The following NKPD1 variants were observed in gnomAD, a reference collection of about 807,000 sequenced individuals.
NKPD1 encodes NTPase KAP family P-loop domain-containing protein 1.
In NKPD1, 37 loss-of-function variants were observed where a neutral mutation model predicts 42.2. The observed-to-expected ratio is 0.88, with a 90% CI of 0.67 to 1.15. The LOEUF (loss-of-function observed/expected upper bound fraction) is 1.15. Ranked by LOEUF, NKPD1 falls within the 50% of genes most tolerant of loss-of-function variation. The pLI, the probability that NKPD1 is intolerant of heterozygous loss-of-function variation, is 0.00. For synonymous variants in NKPD1, 552 were observed against 536.5 expected (o/e 1.03, Z -0.40); for missense variants, 1,113 against 1,174.6 (o/e 0.95, Z 0.77).
chr19:45,158,562 A>G lies in NKPD1; in HGVS notation c.529+101T>C. The stretch of plus-strand genomic sequence containing the variant: ...TAGATAGGGAACAGGGTGTGGATGA[A>G]GAGGGCAGGTGCAAGATGCTAGGCA... On this transcript the variant is annotated intron_variant, in intron 3 of 4. Transcript: ENST00000686631. The surrounding 1 kb of genome is among the most constrained non-coding windows in gnomAD (Gnocchi z 4.6). The G allele has an allele frequency of 9.0e-7, 1 of 1,106,902 alleles. No individual in the cohort carries two copies. Among genetic ancestry groups the G allele is most frequent in the Non-Finnish European group, 1.1e-6 (1 of 900,738 alleles). 68.6% of individuals were successfully genotyped at this position (1,106,902 alleles called of 1,614,324 possible).
rs773789868 is a variant in NKPD1, at chr19:45,158,645, G to A, written c.529+18C>T. On this transcript the variant is annotated intron_variant, in intron 3 of 4. Transcript: ENST00000686631. This position sits in a 1 kb window ranked among gnomAD's most constrained non-coding sequence, Gnocchi z 4.6. ...GCAGGAGTGGGGACAGGGCCCCCAAGAAGGCCAGGGTGAGCACCGGAGCTG... is the reference window on the plus strand; with the variant it reads ...GCAGGAGTGGGGACAGGGCCCCCAAAAAGGCCAGGGTGAGCACCGGAGCTG... 12 of 1,157,662 alleles carry A rather than the reference G, an allele frequency of 1.0e-5. No homozygotes were observed. In the South Asian group the frequency reaches 1.8e-4, roughly 18 times the overall value. The allele number at this position is 1,157,662 out of a possible 1,614,324, so 71.7% of individuals were successfully genotyped here. A position where few individuals can be genotyped will look rare whatever the true frequency, so the allele number is the denominator to read the frequency against.
intron 3 of NKPD1, among the ~76,000 whole-genome samples, chr19:45,156,389 C>T (rs944933950): frequency 6.6e-6 from 1 of 152,210 alleles, no homozygotes; most frequent in Non-Finnish European, 1.5e-5. Flanking sequence ...GCTCCTCCCA[C>T]CGTCCTGTCC....
chr19:45,160,002 C>A, intron 2 of NKPD1, 58 bp downstream of exon 2: 1 of 1,014,124 alleles, frequency 9.9e-7, no homozygotes. Context: ...CCTCCATTCA[C>A]TCTGGCTTCC....
Position 45,155,783 on chromosome 19 carries a change from A to C in NKPD1, c.661+2T>G. On this transcript the variant is annotated splice_donor_variant, in intron 4 of 4. Coordinates refer to ENST00000686631, the MANE Select transcript of NKPD1 (RefSeq NM_198478.4). LOFTEE classifies it high-confidence loss of function. ...CCCCAACAAACACACACAGCTCCTC[A>C]CCCGTGATCTTGTCCAGCATCATGT... 7.7e-7 allele frequency: 1 copy of C among 1,301,446 alleles called. No individual in the cohort carries two copies. The highest frequency in any genetic ancestry group is 1.0e-6 in the Non-Finnish European group (1 of 985,716). 80.6% of individuals were successfully genotyped at this position (1,301,446 alleles called of 1,614,324 possible). A position where few individuals can be genotyped will look rare whatever the true frequency, so the allele number is the denominator to read the frequency against.
At chr19:45,154,105 G>A (rs532042602) in intron 4 of NKPD1, among the ~76,000 whole-genome samples, 1 of 152,206 alleles carries the variant, frequency 6.6e-6, no homozygotes, top group Non-Finnish European at 1.5e-5. Flanking sequence ...GGCTGGAGGC[G>A]GAGCGAGGGT....
At chr19:45,160,505 C>G (rs1388224007) in intron 1 of NKPD1, among the ~76,000 whole-genome samples, 3 of 151,902 alleles carry the variant, frequency 2.0e-5, no homozygotes, top group Non-Finnish European at 4.4e-5. Flanking sequence ...CAGACATGGG[C>G]TGGGGAAATA....
At chr19:45,159,199 G>A (rs1968962891) in intron 2 of NKPD1, 99 bp from the exon 3 acceptor site, 1 of 1,151,652 alleles carries the variant, frequency 8.7e-7, no homozygotes, top group Admixed American at 3.8e-5. Flanking sequence ...CTGGGGGCCA[G>A]AGTATTCTTG....
At position 45,151,796 on chromosome 19, in the gene NKPD1, G is replaced by T; in HGVS notation, c.*142C>A. 1.1e-6 allele frequency: 1 copy of T among 880,062 alleles called. No homozygotes were observed. Among genetic ancestry groups the T allele is most frequent in the Non-Finnish European group, 1.6e-6 (1 of 612,986 alleles). The allele number at this position is 880,062 out of a possible 1,614,324, so 54.5% of individuals were successfully genotyped here. A position where few individuals can be genotyped will look rare whatever the true frequency, so the allele number is the denominator to read the frequency against. On this transcript the variant is annotated 3_prime_UTR_variant, in exon 5 of 5. Transcript: ENST00000686631. ...CGCACTCCTTGGAAGCTATGTCCAC[G>T]GCTCTGGCTCAGGTTCACCTGGGGG... is the stretch of plus-strand genomic sequence containing the variant.
chr19:45,161,809 G>C (rs528423689), upstream of NKPD1, among the ~76,000 whole-genome samples: 58 of 152,310 alleles, frequency 3.8e-4, 1 homozygote, highest in Admixed American at 9.8e-4. Flanking sequence ...GGCTGCTGGC[G>C]TAACGGGGTC....
chr19:45,160,105 G>A lies in NKPD1; in HGVS notation c.46C>T (p.Pro16Ser). The A allele has an allele frequency of 7.7e-7, 1 of 1,305,000 alleles. No homozygotes were observed. The highest frequency in any genetic ancestry group is 1.0e-6 in the Non-Finnish European group (1 of 988,736). 80.8% of individuals were successfully genotyped at this position (1,305,000 alleles called of 1,614,324 possible). The change falls in exon 2 of 5, where the codon CCC becomes TCC. Residue 16 changes from proline to serine, a missense_variant. Around this residue, in one of 3 missense-constraint regions of NKPD1, gnomAD observed 204 missense variants for 227.8 expected, o/e 0.90. Transcript: ENST00000686631. ...GGGTCCCAGAAGTAGTGCCCGTTGG[G>A]GCTCTGGGCATCCTTGGCGAAGTGG... is the stretch of plus-strand genomic sequence containing the variant. ...KVHFAKDAQSPNGHYFWDPEL... is the reference protein window; with the variant it reads ...KVHFAKDAQSSNGHYFWDPEL...
intron 4 of NKPD1, chr19:45,153,985 A>G (rs1167676895): frequency 1.3e-5 from 6 of 466,670 alleles, no homozygotes; most frequent in Non-Finnish European, 2.2e-5. Flanking sequence ...TTGGACCGGA[A>G]GCGGTCTGAA....
At position 45,151,984 on chromosome 19, in the gene NKPD1, GCC is replaced by G. The variant is rs1968786045; in HGVS notation, c.2451_2452del (p.Ala818LeufsTer36). The G allele has an allele frequency of 6.2e-7, 1 of 1,604,984 alleles. No homozygotes were observed. The highest frequency in any genetic ancestry group is 8.5e-7 in the Non-Finnish European group (1 of 1,174,768). The stretch of plus-strand genomic sequence containing the variant: ...TTGCCCTGGACGGAAGAGCGCACAG[GCC>G]ACCGGCCATAGCTTGCCCCTGTGGG... On this transcript the variant is annotated frameshift_variant, in exon 5 of 5. Coordinates refer to ENST00000686631, the MANE Select transcript of NKPD1 (RefSeq NM_198478.4). LOFTEE classifies it low-confidence loss of function (END_TRUNC).
rs1193782605 is a variant in NKPD1, at chr19:45,158,695, G to A, written c.497C>T (p.Ala166Val). The A allele has an allele frequency of 2.4e-5, 29 of 1,187,164 alleles. No homozygotes were observed. Among genetic ancestry groups the A allele is most frequent in the Middle Eastern group, 3.8e-4 (1 of 2,634 alleles). 73.5% of individuals were successfully genotyped at this position (1,187,164 alleles called of 1,614,324 possible). ...GTAGGCAGTGAAGGAGCCACAGGCC[G>A]CTGGGGCGGGCAGGGGCCGGGCATC... Reference protein sequence around the residue: ...PTDARPLPAPAACGSFTAYSS... With the variant: ...PTDARPLPAPVACGSFTAYSS... Residue 166 changes from alanine (A) to valine (V), a missense_variant, in exon 3 of 5, where the codon GCG (alanine) becomes GTG (valine). Around this residue, in one of 3 missense-constraint regions of NKPD1, gnomAD observed 204 missense variants for 227.8 expected, o/e 0.90. Coordinates refer to ENST00000686631, the MANE Select transcript of NKPD1 (RefSeq NM_198478.4). This position sits in a 1 kb window ranked among gnomAD's most constrained non-coding sequence, Gnocchi z 4.6.
In NKPD1 at chr19:45,151,694, T is replaced by C; in HGVS notation, c.*244A>G. 1 of 467,340 alleles carries C rather than the reference T, an allele frequency of 2.1e-6. No individual in the cohort carries two copies. Among genetic ancestry groups the C allele is most frequent in the Non-Finnish European group, 3.7e-6 (1 of 267,058 alleles). 28.9% of individuals were successfully genotyped at this position (467,340 alleles called of 1,614,324 possible). ...AGAGCAACTCCGGGCTCTCAACACCTCCATTTATTGCATGTATACCCTGAC... is the reference window on the plus strand; with the variant it reads ...AGAGCAACTCCGGGCTCTCAACACCCCCATTTATTGCATGTATACCCTGAC... On this transcript the variant is annotated 3_prime_UTR_variant, in exon 5 of 5. Transcript: ENST00000686631.
chr19:45,159,659 C>A (rs1013044069), intron 2 of NKPD1, among the ~76,000 whole-genome samples: 1 of 152,108 alleles, frequency 6.6e-6, no homozygotes, highest in African/African-American at 2.4e-5. Context: ...ACTGCCCCCT[C>A]CCCACCCTGA....
In NKPD1 at chr19:45,153,060, G is replaced by T; in HGVS notation, c.1377C>A (p.Thr459=). ...RRRLRVVLEV[T]GLDTCYPERV... ...GCTCCGGGTAGCACGTGTCCAGCCCGGTGACCTCCAGCACCACGCGCAGCC... is the reference window on the plus strand; with the variant it reads ...GCTCCGGGTAGCACGTGTCCAGCCCTGTGACCTCCAGCACCACGCGCAGCC... Residue 459 remains threonine (T), a synonymous_variant, in exon 5 of 5, where the codon ACC becomes ACA. Transcript: ENST00000686631. The T allele has an allele frequency of 6.3e-7, 1 of 1,583,796 alleles. No homozygotes were observed. The highest frequency in any genetic ancestry group is 2.3e-5 in the East Asian group (1 of 43,018).
chr19:45,152,428 G>GC lies in NKPD1; in HGVS notation c.2008dup (p.Ala670GlyfsTer185). The GC allele has an allele frequency of 6.4e-7, 1 of 1,565,662 alleles. No homozygotes were observed. The highest frequency in any genetic ancestry group is 2.4e-5 in the East Asian group (1 of 41,430). On this transcript the variant is annotated frameshift_variant, in exon 5 of 5. Coordinates refer to ENST00000686631, the MANE Select transcript of NKPD1 (RefSeq NM_198478.4). LOFTEE classifies it low-confidence loss of function (END_TRUNC). ...CTGCCGGTCCTCCAGGCACTGCAGC[G>GC]CCCAGCTCAGGCGGCACGGCCACTG... is the stretch of plus-strand genomic sequence containing the variant.
Position 45,153,001 on chromosome 19 carries a change from A to G in NKPD1, c.1436T>C (p.Leu479Pro). ...GAAGGGCGCGTGGCTGTCGGACAGC[A>G]GCGTGTTGATGGCGTTGAGCACGCC... ...VVGVLNAINT[L>P]LSDSHAPFIF... The change falls in exon 5 of 5, where the codon CTG (leucine) becomes CCG (proline). Residue 479 changes from leucine to proline, a missense_variant. By Grantham distance (98) the Leu-to-Pro change is moderately conservative (BLOSUM62 -3). This residue lies in a region of NKPD1 where 867 missense variants were observed against 870.1 expected (regional missense o/e 1.00). Transcript: ENST00000686631. The G allele has an allele frequency of 6.3e-7, 1 of 1,586,942 alleles. No homozygotes were observed. The highest frequency in any genetic ancestry group is 8.6e-7 in the Non-Finnish European group (1 of 1,165,918).
intron 3 of NKPD1, among the ~76,000 whole-genome samples, chr19:45,156,568 C>G (rs1012008417): frequency 6.6e-6 from 1 of 152,218 alleles, no homozygotes; most frequent in Non-Finnish European, 1.5e-5. Context: ...CACCAGGGAG[C>G]AGGAATGCCA....
Sources: gnomAD v4.1 joint callset for allele counts (sites outside exome capture counted in the v4.1 genomes callset) on GRCh38, gnomAD v4.1.1 for gene constraint, gnomAD v4.1.1 regional missense constraint, Gnocchi (gnomAD v3.1) non-coding constraint, MANE v1.5 for transcripts, NCBI Gene and HGNC (gene_info 2026-07-23, HGNC 2026-07-21) for gene names.